SGCD: variants seen among roughly 807,000 people sequenced by gnomAD.
SGCD encodes the protein delta-sarcoglycan.
A neutral mutation model predicts 36.6 loss-of-function variants in SGCD; 18 were observed. The observed-to-expected ratio is 0.49, with a 90% confidence interval of 0.34 to 0.73. The LOEUF (loss-of-function observed/expected upper bound fraction) is 0.73. Ranked by LOEUF, SGCD falls within the 30% of genes least tolerant of loss-of-function variation. The pLI is 0.01. For synonymous variants in SGCD, 133 were observed against 130.6 expected (o/e 1.02, Z -0.12); for missense variants, 387 against 346.7 (o/e 1.12, Z -0.92).
In SGCD at chr5:156,127,936, A is replaced by G. The variant is rs183951473; in HGVS notation, c.-44+3917A>G. Among the ~76,000 whole-genome samples, 16 of 151,770 alleles carry G rather than the reference A, an allele frequency of 1.1e-4. 1 individual carries two copies. The East Asian group carries it at 2.3e-3, about 22-fold the overall frequency. ...GAATACCTTTGTAACTTCAGGAGGA[A>G]AAGATTTCTTAGAAAGGACACAAAT... On this transcript the variant is annotated intron_variant, in intron 3 of 9. Transcript: ENST00000517913.
At chr5:156,376,354 C>T (rs1185842511) in intron 3 of SGCD, among the ~76,000 whole-genome samples, 7 of 152,204 alleles carry the variant, frequency 4.6e-5, no homozygotes, top group East Asian at 1.9e-4. Flanking sequence ...TCACCCACAA[C>T]GTCATGACTG....
chr5:156,240,681 G>A (rs542648215), intron 3 of SGCD, among the ~76,000 whole-genome samples: 10 of 151,962 alleles, frequency 6.6e-5, no homozygotes, highest in East Asian at 3.9e-4. Flanking sequence ...GTGCTTCTTC[G>A]TCTGCTTAAT....
At chr5:156,052,391 T>C (rs976786194) in intron 1 of SGCD, among the ~76,000 whole-genome samples, 1 of 146,250 alleles carries the variant, frequency 6.8e-6, no homozygotes, top group Non-Finnish European at 1.5e-5. Context: ...CAAGGCTTTG[T>C]AGGTCATGAG....
intron 1 of SGCD, among the ~76,000 whole-genome samples, chr5:156,106,109 CAAAAAAAAAAAAAAAAA>C (rs1159337817): frequency 8.6e-5 from 3 of 34,912 alleles, no homozygotes; most frequent in South Asian, 1.8e-3. Flanking sequence ...GACTCTGCCT[CAAAAAAAAAAAAAAAAA>C]AAAAAAAAAA....
intron 2 of SGCD, among the ~76,000 whole-genome samples, chr5:156,335,011 G>A (rs1216849167): frequency 2.6e-5 from 4 of 152,152 alleles, no homozygotes; most frequent in African/African-American, 9.7e-5. Context: ...TTACTAGTTA[G>A]GGGTCTTTGA....
At chr5:156,019,960 G>A (rs1020204477) in intron 1 of SGCD, among the ~76,000 whole-genome samples, 7 of 151,996 alleles carry the variant, frequency 4.6e-5, no homozygotes, top group African/African-American at 1.7e-4. Flanking sequence ...CTTTCTTCTG[G>A]CAGCTGCAAA....
intron 3 of SGCD, among the ~76,000 whole-genome samples, chr5:156,151,039 T>C (rs1393130957): frequency 2.0e-5 from 3 of 151,672 alleles, no homozygotes; most frequent in African/African-American, 7.3e-5. Context: ...TGAATTTAGA[T>C]TAAGAATAGA....
At chr5:156,693,011 C>A (rs1028103877) in intron 7 of SGCD, among the ~76,000 whole-genome samples, 1 of 152,152 alleles carries the variant, frequency 6.6e-6, no homozygotes, top group Non-Finnish European at 1.5e-5. Context: ...ACTGCTATCA[C>A]AAGACAAACT....
intron 3 of SGCD, among the ~76,000 whole-genome samples, chr5:156,373,095 A>C (rs561175952): frequency 1.4e-4 from 22 of 152,346 alleles, no homozygotes; most frequent in African/African-American, 5.3e-4. Context: ...TATGCCATTA[A>C]GAGTTGCTCA....
At chr5:155,819,336 T>C in the SGCD span, among the ~76,000 whole-genome samples, 2 of 152,154 alleles carry the variant, frequency 1.3e-5, no homozygotes, top group South Asian at 2.1e-4. Context: ...AACCCAAAGG[T>C]AATATGGCAA....
intron 1 of SGCD, among the ~76,000 whole-genome samples, chr5:155,911,418 T>C (rs935054104): frequency 6.6e-6 from 1 of 151,682 alleles, no homozygotes; most frequent in African/African-American, 2.4e-5. Flanking sequence ...AATCTAAACA[T>C]CCTTCTAACC....
intron 3 of SGCD, among the ~76,000 whole-genome samples, chr5:156,169,654 G>A (rs1038387447): frequency 1.3e-5 from 2 of 152,168 alleles, no homozygotes; most frequent in African/African-American, 4.8e-5. Context: ...ATGAGGTGGG[G>A]TGCTATTTCA....
In SGCD at chr5:156,749,369, C is replaced by T. The variant is rs368594577; in HGVS notation, c.576-8212C>T. 6.6e-5 allele frequency among the ~76,000 whole-genome samples: 10 copies of T among 152,042 alleles called. No homozygotes were observed. In the East Asian group the frequency reaches 7.7e-4, roughly 12 times the overall value. On this transcript the variant is annotated intron_variant, in intron 7 of 8. Transcript: ENST00000337851. ...AAAGGCAAAAATTAACAAAACAGCA[C>T]ATTTTAGAACTTGAAACAACTGGAG...
rs535319283 is a variant in SGCD, at chr5:156,155,606, G to C, written c.-44+31587G>C. ...AGCCAGACAAACCTAGTAATGTCGT[G>C]GGCTAGGAAAAAAAAAAAAAAAAAA... On this transcript the variant is annotated intron_variant, in intron 3 of 9. Transcript: ENST00000517913. Among the ~76,000 whole-genome samples, 35 of 123,940 alleles carry C rather than the reference G, an allele frequency of 2.8e-4. 1 individual carries two copies. Among genetic ancestry groups the C allele is most frequent in the African/African-American group, 1.1e-3 (35 of 32,696 alleles). The allele number at this position is 123,940 out of a possible 152,430, so 81.3% of individuals were successfully genotyped here.
At chr5:156,751,874 T>C (rs1757159002) in intron 7 of SGCD, among the ~76,000 whole-genome samples, 1 of 152,236 alleles carries the variant, frequency 6.6e-6, no homozygotes, top group Non-Finnish European at 1.5e-5. Flanking sequence ...TGCCATTATC[T>C]AATAAAGCTG....
intron 3 of SGCD, among the ~76,000 whole-genome samples, chr5:156,381,341 G>A (rs1180429979): frequency 1.3e-5 from 2 of 152,178 alleles, no homozygotes; most frequent in African/African-American, 2.4e-5. Flanking sequence ...CAGAGAATGG[G>A]TGTCCTCTGC....
At chr5:156,499,726 G>A (rs1395248093) in intron 3 of SGCD, among the ~76,000 whole-genome samples, 1 of 152,190 alleles carries the variant, frequency 6.6e-6, no homozygotes, top group Non-Finnish European at 1.5e-5. Context: ...GGATGGAGAA[G>A]TGAGCAGGTG....
intron 1 of SGCD, among the ~76,000 whole-genome samples, chr5:155,990,091 T>G (rs1401574584): frequency 6.6e-6 from 1 of 152,206 alleles, no homozygotes; most frequent in Non-Finnish European, 1.5e-5. Context: ...GAGAGACAAC[T>G]GCTGTCAGAG....
Position 156,392,896 on chromosome 5 carries a change from C to T in SGCD, c.192+48219C>T, listed in dbSNP as rs116081312. Among the ~76,000 whole-genome samples, 1,516 of 152,206 alleles carry T rather than the reference C, an allele frequency of 1.0e-2. 28 individuals are homozygous for T. Among genetic ancestry groups the T allele is most frequent in the African/African-American group, 0.035 (1,442 of 41,518 alleles). On this transcript the variant is annotated intron_variant, in intron 3 of 8. Coordinates refer to ENST00000337851, the MANE Select transcript of SGCD (RefSeq NM_000337.6). Reference sequence around the variant, plus strand: ...CATCCAGCCACCCATGTGCTCCTCCCAACATCCAGCCACCTGTGTGTCTGC... The same window carrying T: ...CATCCAGCCACCCATGTGCTCCTCCTAACATCCAGCCACCTGTGTGTCTGC...
Sources: gnomAD v4.1 joint callset for allele counts (sites outside exome capture counted in the v4.1 genomes callset) on GRCh38, gnomAD v4.1.1 for gene constraint, MANE v1.5 for transcripts, NCBI Gene and HGNC (gene_info 2026-07-23, HGNC 2026-07-21) for gene names.